Variants in MAP7 observed in about 807,000 individuals in gnomAD.
MAP7 encodes microtubule associated protein 7.
MAP7 carries 52 observed loss-of-function variants against 94.8 expected under a neutral mutation model. That is an observed-to-expected ratio of 0.55 (90% CI 0.44 to 0.69). The LOEUF is 0.69. Ranked by LOEUF, MAP7 falls within the 30% of genes least tolerant of loss-of-function variation. MAP7 has a pLI of 0.00. For missense variants in MAP7, 940 were observed against 964.6 expected (o/e 0.97, Z 0.34); for synonymous variants, 350 against 357.0 (o/e 0.98, Z 0.22).
chr6:136,534,202 A>G (rs945476992), intron 1 of MAP7, among the ~76,000 whole-genome samples: 1 of 152,208 alleles, frequency 6.6e-6, no homozygotes, highest in Non-Finnish European at 1.5e-5. Flanking sequence ...GTATATAAAG[A>G]CTTATTTTAA....
chr6:136,414,754 A>C (rs976473894), intron 2 of MAP7, among the ~76,000 whole-genome samples: 1 of 149,436 alleles, frequency 6.7e-6, no homozygotes, highest in Non-Finnish European at 1.5e-5. Context: ...CCATCCTCTT[A>C]CCTCAGCCTA....
At chr6:136,363,837 T>C (rs1008844080) in intron 10 of MAP7, among the ~76,000 whole-genome samples, 12 of 152,192 alleles carry the variant, frequency 7.9e-5, no homozygotes, top group African/African-American at 2.2e-4. Flanking sequence ...GGCCACCCTG[T>C]GTTCTATCTG....
At chr6:136,370,992 C>T (rs751484056) in intron 8 of MAP7, among the ~76,000 whole-genome samples, 1 of 151,966 alleles carries the variant, frequency 6.6e-6, no homozygotes, top group Admixed American at 6.6e-5. Context: ...CAAGTGCTCA[C>T]TGTGGCCAGT....
At chr6:136,391,756 A>G (rs1366010854) in intron 3 of MAP7, among the ~76,000 whole-genome samples, 2 of 151,680 alleles carry the variant, frequency 1.3e-5, no homozygotes, top group Non-Finnish European at 2.9e-5. Flanking sequence ...AACACACTTT[A>G]AAAGTTAAGA....
rs184813557 is a variant in MAP7, at chr6:136,542,793, G to A, written c.67+7549C>T. On this transcript the variant is annotated intron_variant, in intron 1 of 17. Transcript: ENST00000354570. ...GATATTAGAGTCAAATATAAATTCCGTATTATACCTAGGCTCTGGGATCAA... is the reference window on the plus strand; with the variant it reads ...GATATTAGAGTCAAATATAAATTCCATATTATACCTAGGCTCTGGGATCAA... Among the ~76,000 whole-genome samples the A allele has an allele frequency of 2.6e-3, 390 of 152,142 alleles. 4 individuals are homozygous for A. Among genetic ancestry groups the A allele is most frequent in the Middle Eastern group, 0.02 (6 of 294 alleles).
Position 136,435,828 on chromosome 6 carries a change from A to T in MAP7, c.68-14029T>A, listed in dbSNP as rs527699111. On this transcript the variant is annotated intron_variant, in intron 1 of 17. Coordinates refer to ENST00000354570, the MANE Select transcript of MAP7 (RefSeq NM_003980.6). ...AAATAGTAGAATCTGAGCAATTTGAAGGTACATCATTATACCATTAAAGTA... is the reference window on the plus strand; with the variant it reads ...AAATAGTAGAATCTGAGCAATTTGATGGTACATCATTATACCATTAAAGTA... 1.2e-4 allele frequency among the ~76,000 whole-genome samples: 19 copies of T among 152,340 alleles called. No individual in the cohort carries two copies. The South Asian group carries it at 3.9e-3, about 32-fold the overall frequency.
chr6:136,397,370 A>G (rs920071960), intron 3 of MAP7, among the ~76,000 whole-genome samples: 28 of 152,324 alleles, frequency 1.8e-4, no homozygotes, highest in Admixed American at 1.8e-3. Flanking sequence ...TAGGTTTAAG[A>G]ATTTCAGAAT....
intron 1 of MAP7, among the ~76,000 whole-genome samples, chr6:136,515,073 G>T (rs1824429852): frequency 6.6e-6 from 1 of 152,206 alleles, no homozygotes; most frequent in South Asian, 2.1e-4. Context: ...GCAAGATCTG[G>T]ATAACTTGCT....
chr6:136,416,932 A>G (rs1222049898), intron 2 of MAP7, among the ~76,000 whole-genome samples: 1 of 152,130 alleles, frequency 6.6e-6, no homozygotes, highest in Admixed American at 6.5e-5. Context: ...GGCCTATTTG[A>G]AAAAGGGAGA....
chr6:136,548,087 C>T lies in MAP7; in HGVS notation c.67+2255G>A, dbSNP rs566537708. 4.8e-3 allele frequency among the ~76,000 whole-genome samples: 670 copies of T among 140,090 alleles called. 4 individuals are homozygous for T. Among genetic ancestry groups the T allele is most frequent in the African/African-American group, 0.015 (562 of 37,680 alleles). 91.9% of individuals were successfully genotyped at this position (140,090 alleles called of 152,430 possible). ...AATAGTTTCTCTGTCCACGGCCACC[C>T]ACCACCACCACCCCCCCCCACCCCC... On this transcript the variant is annotated intron_variant, in intron 1 of 17. Transcript: ENST00000354570.
chr6:136,538,462 T>C (rs9376195), intron 1 of MAP7, among the ~76,000 whole-genome samples: 18,322 of 152,040 alleles, frequency 0.12, 2,795 homozygotes, highest in African/African-American at 0.36. Context: ...ACATAACCTA[T>C]GTGGCAATAT....
In MAP7 at chr6:136,458,121, C is replaced by T. The variant is rs146009410; in HGVS notation, c.68-36322G>A. On this transcript the variant is annotated intron_variant, in intron 1 of 17. Transcript: ENST00000354570. ...CAAATCAACATACAAAAACCAGTTG[C>T]ATTTCTACATACTATCAACAAACTA... Among the ~76,000 whole-genome samples the T allele has an allele frequency of 6.2e-3, 938 of 152,240 alleles. 7 individuals are homozygous for T. Among genetic ancestry groups the T allele is most frequent in the African/African-American group, 0.022 (903 of 41,566 alleles).
intron 1 of MAP7, among the ~76,000 whole-genome samples, chr6:136,532,319 C>A (rs962753646): frequency 6.6e-6 from 1 of 152,166 alleles, no homozygotes; most frequent in Non-Finnish European, 1.5e-5. Flanking sequence ...TAAATGAGAA[C>A]ACTTTCAGAA....
intron 1 of MAP7, among the ~76,000 whole-genome samples, chr6:136,507,128 GTT>G (rs1821761205): frequency 6.6e-6 from 1 of 152,048 alleles, no homozygotes; most frequent in Admixed American, 6.6e-5. Context: ...CTTTTCTGGA[GTT>G]TTCTTTTAAC....
chr6:136,534,021 C>CA (rs1828687448), intron 1 of MAP7, among the ~76,000 whole-genome samples: 1 of 152,058 alleles, frequency 6.6e-6, no homozygotes, highest in South Asian at 2.1e-4. Context: ...TTTTTACCTT[C>CA]AAAAATCAGG....
chr6:136,475,815 A>G (rs1363456286), intron 1 of MAP7: 3 of 152,194 alleles, frequency 2.0e-5, no homozygotes, highest in African/African-American at 7.2e-5. Flanking sequence ...GAACATGAAA[A>G]TCAGCCTCTA....
At chr6:136,380,238 A>G (rs1777377556) in intron 6 of MAP7, among the ~76,000 whole-genome samples, 1 of 152,202 alleles carries the variant, frequency 6.6e-6, no homozygotes, top group South Asian at 2.1e-4. Context: ...GATCGGGGCT[A>G]AACAAACTTT....
intron 1 of MAP7, among the ~76,000 whole-genome samples, chr6:136,482,532 C>CA (rs951176028): frequency 6.0e-5 from 9 of 151,008 alleles, no homozygotes; most frequent in African/African-American, 2.2e-4. Context: ...ACCTGGGAGG[C>CA]AGGGGTTGCA....
At chr6:136,375,107 G>C (rs1775709045) in intron 7 of MAP7, among the ~76,000 whole-genome samples, 1 of 152,114 alleles carries the variant, frequency 6.6e-6, no homozygotes, top group South Asian at 2.1e-4. Flanking sequence ...AATGGGTGCA[G>C]AGAAAAGATA....
Sources: gnomAD v4.1 joint callset for allele counts (sites outside exome capture counted in the v4.1 genomes callset) on GRCh38, gnomAD v4.1.1 for gene constraint, MANE v1.5 for transcripts, NCBI Gene and HGNC (gene_info 2026-07-23, HGNC 2026-07-21) for gene names.